NUMB: variants seen among roughly 807,000 people sequenced by gnomAD.
NUMB encodes protein numb homolog.
NUMB carries 29 observed loss-of-function variants against 59.7 expected under a neutral mutation model. The observed-to-expected ratio is 0.49, with a 90% CI of 0.36 to 0.66. The LOEUF (loss-of-function observed/expected upper bound fraction) is 0.66, where lower values mean the gene tolerates loss of function less well. Among genes scored for constraint, NUMB ranks in the 30% least tolerant of loss-of-function variants. The pLI is 0.00. For synonymous variants in NUMB, 288 were observed against 288.2 expected (o/e 1.00, Z 0.01); for missense variants, 723 against 822.0 (o/e 0.88, Z 1.47).
At chr14:73,359,800 C>T (rs565467294) in intron 3 of NUMB, among the ~76,000 whole-genome samples, 36 of 152,288 alleles carry the variant, frequency 2.4e-4, no homozygotes, top group African/African-American at 7.9e-4. Context: ...TGACAAATAA[C>T]TTGGCAAAAT....
At chr14:73,423,343 A>C (rs955643141) in intron 1 of NUMB, among the ~76,000 whole-genome samples, 2 of 151,882 alleles carry the variant, frequency 1.3e-5, no homozygotes, top group African/African-American at 4.8e-5. Flanking sequence ...CTACTGAAAA[A>C]AAAAAAAAAA....
In NUMB at chr14:73,284,303, T is replaced by G; in HGVS notation, c.727A>C (p.Thr243Pro). 2 of 1,613,900 alleles carry G rather than the reference T, an allele frequency of 1.2e-6. No individual in the cohort carries two copies. The highest frequency in any genetic ancestry group is 2.7e-5 in the African/African-American group (2 of 74,938). The change falls in exon 10 of 13, where the codon ACC becomes CCC. Residue 243 changes from threonine to proline, a missense_variant. Coordinates refer to ENST00000555238, the MANE Select transcript of NUMB (RefSeq NM_001005743.2). ...GTCGTGGCATCAGAAGTAGGAGAGG[T>G]GGGAGAGGATGGGGATGGGGCAGTG... ...GNTAPSPSSP[T>P]SPTSDATTSL...
chr14:73,453,832 C>A (rs1359395842), intron 1 of NUMB, among the ~76,000 whole-genome samples: 2 of 152,040 alleles, frequency 1.3e-5, no homozygotes, highest in African/African-American at 4.8e-5. Flanking sequence ...TGGTCTCGAT[C>A]TCCTGACCTC....
At chr14:73,398,468 A>G (rs1005328436) in intron 2 of NUMB, among the ~76,000 whole-genome samples, 7 of 150,352 alleles carry the variant, frequency 4.7e-5, no homozygotes, top group African/African-American at 1.7e-4. Context: ...AGACCAGAAA[A>G]ATATAGCCAA....
intron 5 of NUMB, 52 bp from the exon 6 acceptor site, chr14:73,316,474 C>A: frequency 6.5e-7 from 1 of 1,549,036 alleles, no homozygotes; most frequent in South Asian, 1.1e-5. Flanking sequence ...GCCTAAATGT[C>A]CCAGAGTTTC....
At chr14:73,402,596 A>G (rs1387985382) in intron 2 of NUMB, among the ~76,000 whole-genome samples, 5 of 152,244 alleles carry the variant, frequency 3.3e-5, no homozygotes, top group Non-Finnish European at 5.9e-5. Flanking sequence ...TATAATAATA[A>G]TATCTTCCAT....
chr14:73,383,996 G>C (rs192354817), intron 2 of NUMB, among the ~76,000 whole-genome samples: 126 of 152,000 alleles, frequency 8.3e-4, no homozygotes, highest in African/African-American at 3.0e-3. Context: ...CAGCCTGGGC[G>C]ACAGAGTGAG....
At chr14:73,285,751 G>A (rs1297015056) in intron 9 of NUMB, among the ~76,000 whole-genome samples, 3 of 151,782 alleles carry the variant, frequency 2.0e-5, no homozygotes, top group African/African-American at 7.3e-5. Flanking sequence ...CATGGCGAAA[G>A]TCCATCTCTA....
At chr14:73,302,331 T>G (rs143831535) in intron 6 of NUMB, among the ~76,000 whole-genome samples, 88 of 152,238 alleles carry the variant, frequency 5.8e-4, no homozygotes, top group African/African-American at 2.1e-3. Context: ...ATATTAATGA[T>G]TAGAGATGCC....
At chr14:73,404,694 T>G (rs1282920109) in intron 2 of NUMB, among the ~76,000 whole-genome samples, 1 of 152,234 alleles carries the variant, frequency 6.6e-6, no homozygotes, top group African/African-American at 2.4e-5. Context: ...ACTACAGCTA[T>G]GTAACTTGGT....
chr14:73,316,039 A>T lies in NUMB; in HGVS notation c.234+351T>A, dbSNP rs575171861. ...GTAGCTGGGATTACAGGTGCACATC[A>T]CCTGTATTGTATTTTTGGTAGAGAC... On this transcript the variant is annotated intron_variant, in intron 6 of 12. Coordinates refer to ENST00000555238, the MANE Select transcript of NUMB (RefSeq NM_001005743.2). Among the ~76,000 whole-genome samples the T allele has an allele frequency of 6.6e-4, 101 of 152,126 alleles. 3 individuals carry two copies. Among genetic ancestry groups the T allele is most frequent in the South Asian group, 3.7e-3 (18 of 4,806 alleles).
chr14:73,395,417 G>A (rs1896086705), intron 2 of NUMB, among the ~76,000 whole-genome samples: 1 of 152,040 alleles, frequency 6.6e-6, no homozygotes, highest in Non-Finnish European at 1.5e-5. Flanking sequence ...GAGCCCAGGA[G>A]TTTGAGACCA....
At chr14:73,307,830 T>C (rs1345455737) in intron 6 of NUMB, among the ~76,000 whole-genome samples, 1 of 148,978 alleles carries the variant, frequency 6.7e-6, no homozygotes, top group East Asian at 2.0e-4. Context: ...CCTCCCGGGT[T>C]CACGCCATTC....
chr14:73,287,215 C>T lies in NUMB; in HGVS notation c.550G>A (p.Ala184Thr), dbSNP rs1020368973. 2 of 1,613,724 alleles carry T rather than the reference C, an allele frequency of 1.2e-6. No individual in the cohort carries two copies. Among genetic ancestry groups the T allele is most frequent in the Non-Finnish European group, 8.5e-7 (1 of 1,179,952 alleles). The change falls in exon 9 of 13, where the codon GCT becomes ACT. Residue 184 changes from alanine (A) to threonine (T), a missense_variant. Physicochemically the swap from Ala to Thr is moderately conservative, Grantham distance 58. Coordinates refer to ENST00000555238, the MANE Select transcript of NUMB (RefSeq NM_001005743.2). ...TCTCTTGTAAAAGTGGTCCGACTAG[C>T]ATCAAAAGTAGCAGTCACTCCACAT... ...KECGVTATFD[A>T]SRTTFTREGS...
intron 3 of NUMB, chr14:73,357,082 G>C (rs1444144859): frequency 2.3e-6 from 2 of 867,684 alleles, no homozygotes; most frequent in African/African-American, 3.6e-5. Flanking sequence ...AATGACAAAG[G>C]TACAAGTTTC....
chr14:73,330,719 G>A (rs145533605), intron 4 of NUMB, among the ~76,000 whole-genome samples: 252 of 119,850 alleles, frequency 2.1e-3, no homozygotes, highest in African/African-American at 8.3e-3. Flanking sequence ...AGTATCCCAC[G>A]TGTTCAGTCT....
At chr14:73,352,736 G>T (rs1396603112) in intron 4 of NUMB, among the ~76,000 whole-genome samples, 1 of 147,510 alleles carries the variant, frequency 6.8e-6, no homozygotes, top group Non-Finnish European at 1.5e-5. Context: ...TAGAGACGGG[G>T]TTTCACCGTG....
chr14:73,415,478 CCTTA>C (rs1343894088), intron 1 of NUMB, among the ~76,000 whole-genome samples: 1 of 151,122 alleles, frequency 6.6e-6, no homozygotes, highest in African/African-American at 2.4e-5. Context: ...AACTATTTCT[CCTTA>C]CTGTCTTGCA....
chr14:73,350,579 G>A (rs143138330), intron 4 of NUMB, among the ~76,000 whole-genome samples: 5 of 150,120 alleles, frequency 3.3e-5, no homozygotes, highest in East Asian at 1.9e-4. Flanking sequence ...ACAGGGTCTC[G>A]CTCTGTTCCC....
Sources: allele counts gnomAD v4.1 joint callset (sites outside exome capture counted in the v4.1 genomes callset), GRCh38; gene constraint gnomAD v4.1.1; transcripts MANE v1.5; gene names NCBI Gene and HGNC (gene_info 2026-07-23, HGNC 2026-07-21).